Variants in VPS13B observed in about 807,000 individuals in gnomAD.
The protein encoded by VPS13B is intermembrane lipid transfer protein VPS13B.
Under a neutral mutation model 426.4 loss-of-function variants are expected in VPS13B, and 285 were observed. That is an observed-to-expected ratio of 0.67 (90% CI 0.61 to 0.74). The LOEUF (loss-of-function observed/expected upper bound fraction) is 0.74, where lower values mean the gene tolerates loss of function less well. VPS13B is among the 30% of genes least tolerant of loss of function. VPS13B has a pLI of 0.00. For missense variants in VPS13B, 4,537 were observed against 4,782.6 expected, an observed-to-expected ratio of 0.95 and a Z score of 1.51; for synonymous variants, 1,676 against 1,676.4, an observed-to-expected ratio of 1.00 and a Z score of 0.01.
chr8:99,225,586 T>C (rs1815972395), intron 17 of VPS13B, among the ~76,000 whole-genome samples: 1 of 152,246 alleles, frequency 6.6e-6, no homozygotes, highest in African/African-American at 2.4e-5. Flanking sequence ...CCTTGTTTTA[T>C]GTAAAACACC....
At position 99,587,871 on chromosome 8, in the gene VPS13B, G is replaced by T. The variant is rs999432759; in HGVS notation, c.5220+10238G>T. ...CTGGCTTTTGTTGTCATTGCTTTTGGTGTTTTAGACATGAAGTCCTTGCCC... is the reference window on the plus strand; with the variant it reads ...CTGGCTTTTGTTGTCATTGCTTTTGTTGTTTTAGACATGAAGTCCTTGCCC... On this transcript the variant is annotated intron_variant, in intron 33 of 61. Coordinates refer to ENST00000357162, the MANE Select transcript of VPS13B (RefSeq NM_152564.5). Among the ~76,000 whole-genome samples the T allele has an allele frequency of 7.8e-4, 119 of 151,784 alleles. 1 individual carries two copies. Among genetic ancestry groups the T allele is most frequent in the African/African-American group, 2.5e-3 (102 of 41,126 alleles).
rs143480662 is a variant in VPS13B at position 99,863,129 on chromosome 8, T to C, written c.11215+1183T>C. ...TCTGAACCTGAGTTTCTCTTTTGTA[T>C]ATTGGGCCTGGTGATACCATTGTTA... On this transcript the variant is annotated intron_variant, in intron 58 of 61. Transcript: ENST00000357162. Among the ~76,000 whole-genome samples, 8 of 152,284 alleles carry C rather than the reference T, an allele frequency of 5.3e-5. No homozygotes were observed. The East Asian group carries it at 1.4e-3, about 26-fold the overall frequency.
chr8:99,153,391 G>T (rs139761008), intron 14 of VPS13B, among the ~76,000 whole-genome samples: 3 of 150,988 alleles, frequency 2.0e-5, no homozygotes, highest in East Asian at 3.9e-4. Context: ...TTTTTTTCCC[G>T]CTCTTTTTTG....
chr8:99,767,493 C>CAAAAAAAAAAAAAAAAAAAAAAAAA (rs869220303), intron 40 of VPS13B, among the ~76,000 whole-genome samples: 1 of 33,318 alleles, frequency 3.0e-5, no homozygotes, highest in Non-Finnish European at 5.6e-5. Flanking sequence ...GCAACTCTCT[C>CAAAAAAAAAAAAAAAAAAAAAAAAA]AAAAAAAAAA....
intron 33 of VPS13B, among the ~76,000 whole-genome samples, chr8:99,610,311 T>C (rs1256492920): frequency 2.0e-5 from 3 of 152,144 alleles, no homozygotes; most frequent in African/African-American, 7.2e-5. Context: ...TGCAGCACTA[T>C]TCACAATAGC....
intron 21 of VPS13B, among the ~76,000 whole-genome samples, chr8:99,430,414 A>G (rs904635302): frequency 5.3e-5 from 8 of 152,180 alleles, no homozygotes; most frequent in African/African-American, 1.9e-4. Flanking sequence ...ATAAGTACCT[A>G]AAATACTACA....
chr8:99,793,639 T>G (rs953555684), intron 43 of VPS13B, among the ~76,000 whole-genome samples: 1 of 152,066 alleles, frequency 6.6e-6, no homozygotes, highest in Non-Finnish European at 1.5e-5. Context: ...TGTTGCTAGT[T>G]TTGCTATTGG....
chr8:99,742,305 A>G (rs1416776781), intron 39 of VPS13B, among the ~76,000 whole-genome samples: 2 of 152,196 alleles, frequency 1.3e-5, no homozygotes, highest in Non-Finnish European at 2.9e-5. Context: ...TAGACCAATA[A>G]CAGGCTCTGA....
chr8:99,346,648 C>A, intron 19 of VPS13B: 1 of 177,304 alleles, frequency 5.6e-6, no homozygotes, highest in South Asian at 1.5e-4. Context: ...TCATCCAGGT[C>A]TTTGCCTTCC....
chr8:99,591,701 G>A (rs1826685266), intron 33 of VPS13B, among the ~76,000 whole-genome samples: 1 of 152,152 alleles, frequency 6.6e-6, no homozygotes, highest in Admixed American at 6.5e-5. Flanking sequence ...CTGACTTGCA[G>A]GGTTTCTGCC....
intron 9 of VPS13B, 47 bp downstream of exon 9, chr8:99,134,774 A>G: frequency 6.9e-7 from 1 of 1,441,952 alleles, no homozygotes; most frequent in East Asian, 2.4e-5. Context: ...TTTGTTCTTT[A>G]ATATTTTATA....
intron 15 of VPS13B, among the ~76,000 whole-genome samples, chr8:99,158,914 A>G (rs1811502087): frequency 6.6e-6 from 1 of 152,218 alleles, no homozygotes. Flanking sequence ...TTTAAGAAAT[A>G]TATTTTGTAA....
At chr8:99,042,926 T>A (rs187318622) in intron 3 of VPS13B, among the ~76,000 whole-genome samples, 22 of 152,350 alleles carry the variant, frequency 1.4e-4, no homozygotes, top group Admixed American at 9.1e-4. Flanking sequence ...TTTTTGTTTT[T>A]CTACAAAGTC....
At chr8:99,056,065 TG>T (rs1563511128) in intron 3 of VPS13B, among the ~76,000 whole-genome samples, 1 of 151,780 alleles carries the variant, frequency 6.6e-6, no homozygotes. Flanking sequence ...TTTGTTTGTT[TG>T]TTTTTTTTGA....
chr8:99,854,312 G>T, intron 56 of VPS13B, 56 bp downstream of exon 56: 1 of 1,569,284 alleles, frequency 6.4e-7, no homozygotes, highest in Non-Finnish European at 8.7e-7. Flanking sequence ...GAAATGACAC[G>T]CTTGGGGGTA....
intron 34 of VPS13B, among the ~76,000 whole-genome samples, chr8:99,657,174 T>A (rs1830050254): frequency 6.6e-6 from 1 of 152,134 alleles, no homozygotes; most frequent in South Asian, 2.1e-4. Context: ...AGTAGACTCC[T>A]AAGCTTGGTG....
intron 24 of VPS13B, among the ~76,000 whole-genome samples, chr8:99,481,066 G>A (rs3134167): frequency 0.17 from 26,387 of 151,850 alleles, 2,775 homozygotes; most frequent in East Asian, 0.38. Flanking sequence ...GGAATAGTAG[G>A]TTGGATATGT....
chr8:99,431,154 G>T (rs1462646163), intron 21 of VPS13B, among the ~76,000 whole-genome samples: 1 of 152,112 alleles, frequency 6.6e-6, no homozygotes, highest in Non-Finnish European at 1.5e-5. Flanking sequence ...TTTCTTCCAA[G>T]AAAAGATTTT....
chr8:99,399,227 GTTGTT>G (rs1216230164), intron 21 of VPS13B, among the ~76,000 whole-genome samples: 1 of 152,012 alleles, frequency 6.6e-6, no homozygotes, highest in Non-Finnish European at 1.5e-5. Context: ...TGTTTACTAA[GTTGTT>G]TTGTACATTG....
Sources: allele counts gnomAD v4.1 joint callset (sites outside exome capture counted in the v4.1 genomes callset), GRCh38; gene constraint gnomAD v4.1.1; transcripts MANE v1.5; gene names NCBI Gene and HGNC (gene_info 2026-07-23, HGNC 2026-07-21).